CSRNP3: variants seen among roughly 807,000 people sequenced by gnomAD.
The protein encoded by CSRNP3 is cysteine and serine rich nuclear protein 3.
A neutral mutation model predicts 48.0 loss-of-function variants in CSRNP3; 12 were observed. The ratio of observed to expected loss-of-function variants is 0.25; its 90% CI spans 0.16 to 0.41. The LOEUF (loss-of-function observed/expected upper bound fraction) is 0.41, where lower values mean the gene tolerates loss of function less well. Ranked by LOEUF, CSRNP3 falls within the 10% of genes least tolerant of loss-of-function variation. The pLI, the probability that CSRNP3 is intolerant of heterozygous loss-of-function variation, is 1.00. For missense variants in CSRNP3, 580 were observed against 724.4 expected (o/e 0.80, Z 2.29); for synonymous variants, 263 against 269.7 (o/e 0.98, Z 0.24).
chr2:165,589,887 G>T (rs867561549), intron 3 of CSRNP3, among the ~76,000 whole-genome samples: 2 of 152,090 alleles, frequency 1.3e-5, no homozygotes, highest in African/African-American at 4.8e-5. Context: ...GGGGGAGTAT[G>T]GGGGGAAGAA....
At position 165,499,041 on chromosome 2, in the gene CSRNP3, G is replaced by A. The variant is rs549940245; in HGVS notation, c.-113+4113G>A. Among the ~76,000 whole-genome samples the A allele has an allele frequency of 7.5e-4, 114 of 152,230 alleles. 2 individuals are homozygous for A. Among genetic ancestry groups the A allele is most frequent in the South Asian group, 1.2e-3 (6 of 4,826 alleles). The stretch of plus-strand genomic sequence containing the variant: ...CGTATTTTATAAACCTCTTGTTAGA[G>A]AATCACATCCTTACTTTGGGTCCAT... On this transcript the variant is annotated intron_variant, in intron 2 of 6. Coordinates refer to ENST00000651982, the MANE Select transcript of CSRNP3 (RefSeq NM_001172173.2).
At chr2:165,627,094 T>A (rs2105323310) in intron 4 of CSRNP3, among the ~76,000 whole-genome samples, 1 of 152,306 alleles carries the variant, frequency 6.6e-6, no homozygotes, top group Non-Finnish European at 1.5e-5. Flanking sequence ...CTGCTGGTTA[T>A]CTTAGATTTT....
intron 1 of CSRNP3, among the ~76,000 whole-genome samples, chr2:165,484,758 T>A (rs905692372): frequency 6.6e-6 from 1 of 152,210 alleles, no homozygotes; most frequent in Non-Finnish European, 1.5e-5. Context: ...CTCTCACAAT[T>A]TAGCTTTCTC....
Position 165,495,775 on chromosome 2 carries a change from C to T in CSRNP3, c.-113+847C>T, listed in dbSNP as rs536446005. ...AACTTCCTTTTAACTTTGTATTCCA[C>T]GAGTAAAGGTAAAAATTATTCAACA... is the stretch of plus-strand genomic sequence containing the variant. On this transcript the variant is annotated intron_variant, in intron 2 of 6. Transcript: ENST00000651982. Among the ~76,000 whole-genome samples, 527 of 152,038 alleles carry T rather than the reference C, an allele frequency of 3.5e-3. 3 individuals are homozygous for T. Among genetic ancestry groups the T allele is most frequent in the African/African-American group, 0.012 (504 of 41,496 alleles).
intron 1 of CSRNP3, among the ~76,000 whole-genome samples, chr2:165,472,355 T>C (rs1161044183): frequency 6.6e-6 from 1 of 151,988 alleles, no homozygotes; most frequent in Non-Finnish European, 1.5e-5. Context: ...TAAAAGCTAT[T>C]TGTGTTAATG....
At chr2:165,665,933 GAGAGAGGA>G (rs1687178803) in intron 5 of CSRNP3, among the ~76,000 whole-genome samples, 1 of 147,390 alleles carries the variant, frequency 6.8e-6, no homozygotes, top group Admixed American at 6.8e-5. Context: ...AAGAAAGAAA[GAGAGAGGA>G]AGGAAGGAAG....
chr2:165,689,319 C>T lies in CSRNP3; in HGVS notation c.*9566C>T, dbSNP rs1687680884. ...ATCCTTAAGTTTCTTTTATTAGTGGCACTTGTATTATGCTGTACTTTTTAT... is the reference window on the plus strand; with the variant it reads ...ATCCTTAAGTTTCTTTTATTAGTGGTACTTGTATTATGCTGTACTTTTTAT... On this transcript the variant is annotated 3_prime_UTR_variant, in exon 7 of 7. Transcript: ENST00000651982. 2 of 152,040 alleles carry T rather than the reference C, an allele frequency of 1.3e-5. No individual in the cohort carries two copies. Among genetic ancestry groups the T allele is most frequent in the African/African-American group, 4.8e-5 (2 of 41,402 alleles). 9.4% of individuals were successfully genotyped at this position (152,040 alleles called of 1,614,324 possible). A position where few individuals can be genotyped will look rare whatever the true frequency, so the allele number is the denominator to read the frequency against.
chr2:165,600,705 T>C (rs1190150082), intron 4 of CSRNP3, among the ~76,000 whole-genome samples: 5 of 152,234 alleles, frequency 3.3e-5, no homozygotes, highest in Non-Finnish European at 7.3e-5. Context: ...CATTTTTTCA[T>C]GTGTTTTTTG....
At chr2:165,507,847 A>G (rs1370599073) in intron 2 of CSRNP3, among the ~76,000 whole-genome samples, 1 of 152,166 alleles carries the variant, frequency 6.6e-6, no homozygotes, top group Admixed American at 6.5e-5. Flanking sequence ...AGATACGGAC[A>G]TATTATTGTT....
intron 3 of CSRNP3, among the ~76,000 whole-genome samples, chr2:165,530,909 G>A (rs1225546101): frequency 6.6e-6 from 1 of 150,392 alleles, no homozygotes; most frequent in African/African-American, 2.4e-5. Context: ...TTCTCATTAA[G>A]AAAAAAATTA....
chr2:165,651,941 C>T (rs1439968172), intron 4 of CSRNP3, among the ~76,000 whole-genome samples: 1 of 152,062 alleles, frequency 6.6e-6, no homozygotes, highest in Admixed American at 6.5e-5. Context: ...CAGGCGTGAG[C>T]CACTGCACCC....
In CSRNP3 at chr2:165,679,871, C is replaced by G; in HGVS notation, c.*118C>G. On this transcript the variant is annotated 3_prime_UTR_variant, in exon 7 of 7. Transcript: ENST00000651982. ...CAAGAAAACTTGGACGGTGGTTAAT[C>G]TTCCAGACTGTATTTTGTTTTTTCC... The G allele has an allele frequency of 7.2e-7, 1 of 1,384,046 alleles. No individual in the cohort carries two copies. Among genetic ancestry groups the G allele is most frequent in the South Asian group, 1.4e-5 (1 of 70,212 alleles). 85.7% of individuals were successfully genotyped at this position (1,384,046 alleles called of 1,614,324 possible).
chr2:165,484,601 T>A (rs974198938), intron 1 of CSRNP3, among the ~76,000 whole-genome samples: 1 of 152,214 alleles, frequency 6.6e-6, no homozygotes, highest in Non-Finnish European at 1.5e-5. Context: ...AGGGTGTTTT[T>A]AAAATATTGT....
intron 4 of CSRNP3, among the ~76,000 whole-genome samples, chr2:165,610,047 T>A (rs1053298684): frequency 2.0e-5 from 3 of 152,214 alleles, no homozygotes; most frequent in Non-Finnish European, 4.4e-5. Context: ...AAACATTCAA[T>A]GGGAGGGACT....
intron 3 of CSRNP3, among the ~76,000 whole-genome samples, chr2:165,539,880 G>C (rs1055520634): frequency 1.3e-5 from 2 of 152,076 alleles, no homozygotes; most frequent in Non-Finnish European, 2.9e-5. Flanking sequence ...TTTGTTAGCA[G>C]CTATGCTGGA....
At chr2:165,596,576 A>G (rs1685815002) in intron 4 of CSRNP3, among the ~76,000 whole-genome samples, 1 of 152,214 alleles carries the variant, frequency 6.6e-6, no homozygotes, top group Non-Finnish European at 1.5e-5. Flanking sequence ...GATGATTATA[A>G]TTATTATAGC....
chr2:165,514,652 G>A (rs1056260078), intron 2 of CSRNP3, among the ~76,000 whole-genome samples: 4 of 152,208 alleles, frequency 2.6e-5, no homozygotes, highest in Non-Finnish European at 5.9e-5. Context: ...CAGGCATTAA[G>A]CACCAGATCC....
intron 2 of CSRNP3, among the ~76,000 whole-genome samples, chr2:165,500,658 A>G (rs1219551685): frequency 5.9e-5 from 9 of 151,802 alleles, no homozygotes; most frequent in Admixed American, 5.3e-4. Flanking sequence ...GGGTTTCACT[A>G]TGTTAGCCAG....
chr2:165,611,108 AGAGG>A (rs1261209381), intron 4 of CSRNP3, among the ~76,000 whole-genome samples: 1 of 152,112 alleles, frequency 6.6e-6, no homozygotes, highest in Non-Finnish European at 1.5e-5. Context: ...TAAAAGTTGA[AGAGG>A]GAGGGAGGGA....
Sources: gnomAD v4.1 joint callset for allele counts (sites outside exome capture counted in the v4.1 genomes callset) on GRCh38, gnomAD v4.1.1 for gene constraint, MANE v1.5 for transcripts, NCBI Gene and HGNC (gene_info 2026-07-23, HGNC 2026-07-21) for gene names.